Variants in INPP5A observed in about 807,000 individuals in gnomAD.
The protein encoded by INPP5A is 43 kDa inositol polyphosphate 5-phophatase.
In INPP5A, 14 loss-of-function variants were observed where a neutral mutation model predicts 65.2. The ratio of observed to expected loss-of-function variants is 0.21; its 90% CI spans 0.14 to 0.34. The LOEUF (loss-of-function observed/expected upper bound fraction) is 0.34. INPP5A is among the 10% of genes least tolerant of loss of function. The probability of loss-of-function intolerance (pLI) is 1.00; values close to 1 mark genes in which losing one functional copy is unlikely to be tolerated. For missense variants in INPP5A, 431 were observed against 545.6 expected (o/e 0.79, Z 2.09); for synonymous variants, 207 against 208.3 (o/e 0.99, Z 0.05).
At chr10:132,598,528 A>T (rs1449481252) in intron 1 of INPP5A, among the ~76,000 whole-genome samples, 2 of 152,182 alleles carry the variant, frequency 1.3e-5, no homozygotes, top group Non-Finnish European at 2.9e-5. Flanking sequence ...TATTTTCCTT[A>T]GCATAATGTT....
intron 4 of INPP5A, among the ~76,000 whole-genome samples, chr10:132,653,400 G>T (rs1395402568): frequency 1.3e-5 from 2 of 152,142 alleles, no homozygotes; most frequent in African/African-American, 4.8e-5. Context: ...AGGTCCACCC[G>T]AGACTCTGCC....
chr10:132,760,275 C>G (rs911404602), intron 11 of INPP5A, among the ~76,000 whole-genome samples: 3 of 152,194 alleles, frequency 2.0e-5, no homozygotes, highest in African/African-American at 7.2e-5. Context: ...AGGGCCAGCA[C>G]CGAGGACTGG....
At chr10:132,769,905 G>A (rs545164358) in intron 12 of INPP5A, among the ~76,000 whole-genome samples, 8 of 152,030 alleles carry the variant, frequency 5.3e-5, no homozygotes, top group South Asian at 2.1e-4. Flanking sequence ...GCCTTTTTGC[G>A]CATCCTAGCT....
chr10:132,701,162 G>A (rs75889057), intron 6 of INPP5A, among the ~76,000 whole-genome samples: 3,962 of 152,248 alleles, frequency 0.026, 69 homozygotes, highest in Middle Eastern at 0.041. Flanking sequence ...AGATGAAACC[G>A]GCTGGATTCG....
At chr10:132,579,908 C>T (rs2071460631) in intron 1 of INPP5A, among the ~76,000 whole-genome samples, 1 of 146,326 alleles carries the variant, frequency 6.8e-6, no homozygotes, top group African/African-American at 2.5e-5. Flanking sequence ...CATGCCTTGC[C>T]TGTTTAAAAG....
chr10:132,570,404 A>G (rs1353162489), intron 1 of INPP5A, among the ~76,000 whole-genome samples: 2 of 151,886 alleles, frequency 1.3e-5, no homozygotes, highest in Non-Finnish European at 2.9e-5. Context: ...AAGCGGGAGG[A>G]GTTCGGGTGG....
chr10:132,771,558 C>T lies in INPP5A; in HGVS notation c.977+5712C>T, dbSNP rs533747118. On this transcript the variant is annotated intron_variant, in intron 12 of 15. Coordinates refer to ENST00000368594, the MANE Select transcript of INPP5A (RefSeq NM_005539.5). ...TCCCAGGGACCCACAGGGGGCCACA[C>T]GCCAACTCCAGAACTGCCCAAAACT... Among the ~76,000 whole-genome samples, 8 of 152,348 alleles carry T rather than the reference C, an allele frequency of 5.3e-5. No homozygotes were observed. In the South Asian group the frequency reaches 8.3e-4, roughly 16 times the overall value.
At chr10:132,728,533 T>C (rs1258426865) in intron 9 of INPP5A, among the ~76,000 whole-genome samples, 1 of 152,236 alleles carries the variant, frequency 6.6e-6, no homozygotes, top group Non-Finnish European at 1.5e-5. Flanking sequence ...GAAGCGGCAT[T>C]TCCGGCAGGT....
chr10:132,600,882 G>T (rs1052963761), intron 1 of INPP5A, among the ~76,000 whole-genome samples: 6 of 152,104 alleles, frequency 3.9e-5, no homozygotes, highest in African/African-American at 1.4e-4. Context: ...GGAAAGACTG[G>T]CCCCCATAAT....
At chr10:132,764,316 T>C (rs191375788) in intron 11 of INPP5A, among the ~76,000 whole-genome samples, 1 of 152,336 alleles carries the variant, frequency 6.6e-6, no homozygotes, top group East Asian at 1.9e-4. Context: ...CCATGACTAA[T>C]GAATAGCACC....
intron 11 of INPP5A, among the ~76,000 whole-genome samples, chr10:132,764,530 G>A (rs1193490544): frequency 2.9e-5 from 4 of 137,864 alleles, no homozygotes; most frequent in East Asian, 2.2e-4. Flanking sequence ...GAACACGGTC[G>A]GGCCAGTCCT....
Position 132,699,700 on chromosome 10 carries a change from G to A in INPP5A, c.474+1781G>A, listed in dbSNP as rs993465411. Among the ~76,000 whole-genome samples, 9 of 152,222 alleles carry A rather than the reference G, an allele frequency of 5.9e-5. No individual in the cohort carries two copies. The South Asian group carries it at 1.2e-3, about 21-fold the overall frequency. ...CAGGGTGGGAAGCTCGGGGGCAGCGGGCCCTCAGCAAGGAACAGACACTCT... is the reference window on the plus strand; with the variant it reads ...CAGGGTGGGAAGCTCGGGGGCAGCGAGCCCTCAGCAAGGAACAGACACTCT... On this transcript the variant is annotated intron_variant, in intron 6 of 15. Coordinates refer to ENST00000368594, the MANE Select transcript of INPP5A (RefSeq NM_005539.5).
intron 1 of INPP5A, among the ~76,000 whole-genome samples, chr10:132,565,466 A>G (rs1489593697): frequency 6.6e-6 from 1 of 152,232 alleles, no homozygotes; most frequent in African/African-American, 2.4e-5. Flanking sequence ...GTGTGTTTAG[A>G]CAGTGGAACA....
At chr10:132,699,015 C>G (rs368095980) in intron 6 of INPP5A, among the ~76,000 whole-genome samples, 1 of 152,248 alleles carries the variant, frequency 6.6e-6, no homozygotes, top group Non-Finnish European at 1.5e-5. Flanking sequence ...GGGCCAGCCT[C>G]CTGTCCTCGG....
At chr10:132,739,041 G>A (rs1846227817) in intron 9 of INPP5A, among the ~76,000 whole-genome samples, 1 of 152,180 alleles carries the variant, frequency 6.6e-6, no homozygotes, top group African/African-American at 2.4e-5. Context: ...TCAAAGTAAG[G>A]GAGGCCGGCG....
Position 132,697,123 on chromosome 10 carries a change from C to G in INPP5A, c.371-693C>G, listed in dbSNP as rs770429724. On this transcript the variant is annotated intron_variant, in intron 5 of 15. Coordinates refer to ENST00000368594, the MANE Select transcript of INPP5A (RefSeq NM_005539.5). This position sits in a 1 kb window ranked among gnomAD's most constrained non-coding sequence, Gnocchi z 5.6. ...CTGTGGCATCTTGCAAAGAGGCCAG[C>G]AGCCACCTGCCCACTGGACCCAGCA... is the stretch of plus-strand genomic sequence containing the variant. Among the ~76,000 whole-genome samples, 13 of 152,260 alleles carry G rather than the reference C, an allele frequency of 8.5e-5. No individual in the cohort carries two copies. The highest frequency in any genetic ancestry group is 1.8e-4 in the Non-Finnish European group (12 of 68,044).
rs1846744902 is a variant in INPP5A at position 132,762,130 on chromosome 10, G to A, written c.904-3643G>A. ...AGAAACGTGGCAGGATGGGACAGGA[G>A]GGTCGGGGCTGGGAGAGGAGGGAAG... On this transcript the variant is annotated intron_variant, in intron 11 of 15. Transcript: ENST00000368594. The surrounding 1 kb of genome is among the most constrained non-coding windows in gnomAD (Gnocchi z 4.6). Among the ~76,000 whole-genome samples the A allele has an allele frequency of 6.6e-6, 1 of 152,226 alleles. No homozygotes were observed. Among genetic ancestry groups the A allele is most frequent in the African/African-American group, 2.4e-5 (1 of 41,462 alleles).
In INPP5A at chr10:132,644,706, G is replaced by A. The variant is rs767910152; in HGVS notation, c.118-1162G>A. On this transcript the variant is annotated intron_variant, in intron 2 of 15. Transcript: ENST00000368594. The surrounding 1 kb of genome is among the most constrained non-coding windows in gnomAD (Gnocchi z 6.5). ...GTGGCTGTTGTAGCACCACCACCCC[G>A]GCACCAGACAGAGAGCCCTGTCGGG... Among the ~76,000 whole-genome samples, 4 of 152,206 alleles carry A rather than the reference G, an allele frequency of 2.6e-5. No individual in the cohort carries two copies. The highest frequency in any genetic ancestry group is 4.4e-5 in the Non-Finnish European group (3 of 68,040).
At chr10:132,609,498 G>C (rs1375225912) in intron 2 of INPP5A, among the ~76,000 whole-genome samples, 1 of 152,192 alleles carries the variant, frequency 6.6e-6, no homozygotes, top group South Asian at 2.1e-4. Flanking sequence ...CCCCTCCAGG[G>C]ATCCACAGGT....
Sources: allele counts gnomAD v4.1 joint callset (sites outside exome capture counted in the v4.1 genomes callset), GRCh38; gene constraint gnomAD v4.1.1; non-coding constraint Gnocchi (gnomAD v3.1); transcripts MANE v1.5; gene names NCBI Gene and HGNC (gene_info 2026-07-23, HGNC 2026-07-21).